RALYL: variants seen among roughly 807,000 people sequenced by gnomAD.
The protein encoded by RALYL is RALY RNA binding protein like.
A neutral mutation model predicts 35.1 loss-of-function variants in RALYL; 29 were observed. That is an observed-to-expected ratio of 0.83 (90% CI 0.61 to 1.13). The LOEUF (loss-of-function observed/expected upper bound fraction) is 1.13. RALYL is among the 50% of genes most tolerant of loss of function. The pLI, the probability that RALYL is intolerant of heterozygous loss-of-function variation, is 0.00. For missense variants in RALYL, 359 were observed against 360.4 expected (o/e 1.00, Z 0.03); for synonymous variants, 120 against 127.6 (o/e 0.94, Z 0.40).
At chr8:84,407,266 G>A (rs988459587) in intron 1 of RALYL, among the ~76,000 whole-genome samples, 5 of 152,142 alleles carry the variant, frequency 3.3e-5, no homozygotes, top group African/African-American at 1.2e-4. Context: ...CAATACTTGT[G>A]TTGGGAAGAC....
intron 1 of RALYL, among the ~76,000 whole-genome samples, chr8:84,416,672 C>G (rs1266923676): frequency 2.0e-5 from 3 of 152,046 alleles, no homozygotes; most frequent in African/African-American, 7.2e-5. Context: ...TTAGAATGGC[C>G]ATTTTCCTAA....
At chr8:84,877,323 C>T (rs765734385) in intron 7 of RALYL, among the ~76,000 whole-genome samples, 23 of 151,838 alleles carry the variant, frequency 1.5e-4, no homozygotes, top group East Asian at 5.8e-4. Flanking sequence ...CCTGTCTCTA[C>T]GAAAAATACA....
chr8:84,374,471 C>T (rs1395112761), intron 1 of RALYL, among the ~76,000 whole-genome samples: 1 of 151,930 alleles, frequency 6.6e-6, no homozygotes. Context: ...TGGAATCAGC[C>T]TAATTCTCAC....
intron 2 of RALYL, among the ~76,000 whole-genome samples, chr8:84,694,332 A>T (rs13277326): frequency 6.6e-6 from 1 of 151,880 alleles, no homozygotes; most frequent in African/African-American, 2.4e-5. Context: ...AACTATTGGG[A>T]AAAAAAGATT....
At chr8:84,338,278 T>C (rs924647050) in intron 1 of RALYL, among the ~76,000 whole-genome samples, 14 of 151,998 alleles carry the variant, frequency 9.2e-5, no homozygotes, top group Admixed American at 7.9e-4. Context: ...AGTGGGACCA[T>C]AGTGCAGACT....
chr8:84,921,132 G>T lies in RALYL; in HGVS notation c.*221G>T. The stretch of plus-strand genomic sequence containing the variant: ...TTTTTATGGTTTAAATTGTAAATGT[G>T]TTTTCCCCTTTGCTAATTATGTTTT... On this transcript the variant is annotated 3_prime_UTR_variant, in exon 9 of 9. Transcript: ENST00000521268. The T allele has an allele frequency of 8.3e-6, 3 of 360,916 alleles. No individual in the cohort carries two copies. Among genetic ancestry groups the T allele is most frequent in the East Asian group, 4.5e-5 (1 of 22,164 alleles). 22.4% of individuals were successfully genotyped at this position (360,916 alleles called of 1,614,324 possible).
chr8:84,227,636 C>G (rs1222870243), intron 1 of RALYL, among the ~76,000 whole-genome samples: 2 of 151,908 alleles, frequency 1.3e-5, no homozygotes, highest in African/African-American at 4.8e-5. Context: ...ACCTGCAAGT[C>G]TTTTTGTCTT....
At chr8:84,372,924 A>ATTTTTTTTTTTTTTT (rs1481347418) in intron 1 of RALYL, among the ~76,000 whole-genome samples, 1 of 37,364 alleles carries the variant, frequency 2.7e-5, no homozygotes. Flanking sequence ...TTACTTTTTA[A>ATTTTTTTTTTTTTTT]TAATATCCAT....
chr8:84,717,546 C>T (rs993589219), intron 2 of RALYL, among the ~76,000 whole-genome samples: 1 of 152,130 alleles, frequency 6.6e-6, no homozygotes, highest in South Asian at 2.1e-4. Context: ...AAGTTGCCCA[C>T]ATTGTTAATA....
intron 7 of RALYL, among the ~76,000 whole-genome samples, chr8:84,883,865 T>C (rs889939963): frequency 4.6e-5 from 7 of 152,118 alleles, no homozygotes; most frequent in African/African-American, 1.7e-4. Flanking sequence ...AGAACTGTTT[T>C]GAGCCTGTTA....
At chr8:84,533,203 T>C (rs1170286075) in intron 2 of RALYL, among the ~76,000 whole-genome samples, 1 of 152,140 alleles carries the variant, frequency 6.6e-6, no homozygotes, top group Non-Finnish European at 1.5e-5. Flanking sequence ...CTCTTAATAT[T>C]TAATTGAGTT....
At chr8:84,553,158 C>T (rs1202064828) in intron 2 of RALYL, among the ~76,000 whole-genome samples, 1 of 152,078 alleles carries the variant, frequency 6.6e-6, no homozygotes, top group African/African-American at 2.4e-5. Context: ...TCTTTCACTT[C>T]TTTTTCTTTT....
At chr8:84,715,381 G>C (rs937095099) in intron 2 of RALYL, among the ~76,000 whole-genome samples, 9 of 151,598 alleles carry the variant, frequency 5.9e-5, no homozygotes, top group Non-Finnish European at 1.2e-4. Flanking sequence ...CTAATCTCTA[G>C]GAAATTGGAC....
At chr8:84,241,900 C>T (rs1422960690) in intron 1 of RALYL, among the ~76,000 whole-genome samples, 1 of 151,274 alleles carries the variant, frequency 6.6e-6, no homozygotes, top group Non-Finnish European at 1.5e-5. Context: ...AAGTGTGTTA[C>T]ATAGGTAAAC....
chr8:84,708,932 G>A (rs1238416373), intron 2 of RALYL, among the ~76,000 whole-genome samples: 1 of 152,168 alleles, frequency 6.6e-6, no homozygotes, highest in Non-Finnish European at 1.5e-5. Flanking sequence ...AAAGAAAACA[G>A]TGTGAATCGA....
chr8:84,351,625 C>T (rs1187286165), intron 1 of RALYL, among the ~76,000 whole-genome samples: 1 of 147,474 alleles, frequency 6.8e-6, no homozygotes, highest in Non-Finnish European at 1.5e-5. Context: ...ATTGTTAATT[C>T]GATTTTTTTT....
chr8:84,899,051 T>C (rs549668836), intron 8 of RALYL, among the ~76,000 whole-genome samples: 4 of 152,318 alleles, frequency 2.6e-5, no homozygotes, highest in African/African-American at 7.2e-5. Flanking sequence ...CTGAGGGATG[T>C]TGGGTTACCT....
intron 2 of RALYL, among the ~76,000 whole-genome samples, chr8:84,548,127 T>A (rs184492337): frequency 2.0e-4 from 31 of 152,298 alleles, no homozygotes; most frequent in Admixed American, 5.9e-4. Flanking sequence ...AACATTTCTT[T>A]GCTAACTTCT....
chr8:84,909,763 A>G (rs1322368323), intron 8 of RALYL, among the ~76,000 whole-genome samples: 1 of 152,116 alleles, frequency 6.6e-6, no homozygotes, highest in African/African-American at 2.4e-5. Context: ...AAATGGAAAA[A>G]AATATTTAAA....
Sources: gnomAD v4.1 joint callset for allele counts (sites outside exome capture counted in the v4.1 genomes callset) on GRCh38, gnomAD v4.1.1 for gene constraint, MANE v1.5 for transcripts, NCBI Gene and HGNC (gene_info 2026-07-23, HGNC 2026-07-21) for gene names.